The following TMEM132C variants were observed in gnomAD, a reference collection of about 807,000 sequenced individuals.
TMEM132C encodes transmembrane protein 132C.
A neutral mutation model predicts 61.4 loss-of-function variants in TMEM132C; 29 were observed. The observed-to-expected ratio is 0.47, with a 90% confidence interval of 0.35 to 0.64. The LOEUF (loss-of-function observed/expected upper bound fraction) is 0.64, where lower values mean the gene tolerates loss of function less well. Ranked by LOEUF, TMEM132C falls within the 30% of genes least tolerant of loss-of-function variation. The probability of loss-of-function intolerance (pLI) is 0.00; values close to 1 mark genes in which losing one functional copy is unlikely to be tolerated. For missense variants in TMEM132C, 1,408 were observed against 1,476.9 expected, an observed-to-expected ratio of 0.95 and a Z score of 0.76; for synonymous variants, 656 against 633.1, an observed-to-expected ratio of 1.04 and a Z score of -0.54.
At chr12:128,643,004 C>A (rs1453416149) in intron 4 of TMEM132C, among the ~76,000 whole-genome samples, 1 of 152,184 alleles carries the variant, frequency 6.6e-6, no homozygotes, top group Non-Finnish European at 1.5e-5. Flanking sequence ...GCCCGGGTCT[C>A]TTCTTATCAT....
Position 128,469,748 on chromosome 12 carries a change from G to GTA in TMEM132C, c.974+54137_974+54138dup, listed in dbSNP as rs1018875010. On this transcript the variant is annotated intron_variant, in intron 2 of 8. Transcript: ENST00000435159. ...TATATATATATGCATTTATGTGTGT[G>GTA]TATATATATACACACATGCATTTAT... Among the ~76,000 whole-genome samples, 8 of 151,032 alleles carry GTA rather than the reference G, an allele frequency of 5.3e-5. No homozygotes were observed. In the South Asian group the frequency reaches 1.3e-3, roughly 24 times the overall value.
intron 3 of TMEM132C, among the ~76,000 whole-genome samples, chr12:128,561,647 A>T (rs1001093825): frequency 6.6e-6 from 1 of 152,268 alleles, no homozygotes; most frequent in Non-Finnish European, 1.5e-5. Context: ...AAAAGTATTC[A>T]GTTGCAACTA....
chr12:128,379,746 A>G (rs1874341731), intron 1 of TMEM132C, among the ~76,000 whole-genome samples: 1 of 152,094 alleles, frequency 6.6e-6, no homozygotes, highest in Admixed American at 6.6e-5. Context: ...ATCTGTAAAG[A>G]CCCCTTTCCC....
intron 2 of TMEM132C, among the ~76,000 whole-genome samples, chr12:128,489,808 A>G (rs932667861): frequency 1.3e-5 from 2 of 152,230 alleles, no homozygotes; most frequent in Admixed American, 1.3e-4. Flanking sequence ...TATTTGTTTC[A>G]TGAGCGTCCT....
At chr12:128,275,393 C>T (rs973681136) in intron 1 of TMEM132C, among the ~76,000 whole-genome samples, 9 of 152,274 alleles carry the variant, frequency 5.9e-5, no homozygotes, top group Middle Eastern at 3.4e-3. Context: ...GCCTAGGTTG[C>T]ATGCTCCTTA....
chr12:128,535,824 C>T (rs919189397), intron 2 of TMEM132C, among the ~76,000 whole-genome samples: 19 of 151,316 alleles, frequency 1.3e-4, no homozygotes, highest in South Asian at 2.1e-4. Flanking sequence ...ACCGAGATCA[C>T]GCCACTGCAC....
chr12:128,267,983 C>A (rs960441167), intron 1 of TMEM132C, among the ~76,000 whole-genome samples: 1 of 152,226 alleles, frequency 6.6e-6, no homozygotes. Context: ...TTCTTTGCAT[C>A]CCCTTTCCGC....
intron 1 of TMEM132C, among the ~76,000 whole-genome samples, chr12:128,383,336 C>T (rs1009129484): frequency 2.0e-5 from 3 of 152,152 alleles, no homozygotes; most frequent in African/African-American, 7.2e-5. Flanking sequence ...TCGCAATGGC[C>T]AACCGCCCGT....
intron 2 of TMEM132C, among the ~76,000 whole-genome samples, chr12:128,483,391 G>C (rs1442757343): frequency 6.6e-6 from 1 of 151,698 alleles, no homozygotes; most frequent in African/African-American, 2.4e-5. Context: ...TGGAGCCCCT[G>C]GGTAATCATT....
chr12:128,521,307 G>GTA (rs200055238), intron 2 of TMEM132C, among the ~76,000 whole-genome samples: 6 of 147,610 alleles, frequency 4.1e-5, no homozygotes, highest in African/African-American at 7.5e-5. Context: ...GTATATATGT[G>GTA]TATATATATA....
intron 3 of TMEM132C, among the ~76,000 whole-genome samples, chr12:128,611,327 T>C (rs1296639013): frequency 1.3e-5 from 2 of 152,200 alleles, no homozygotes; most frequent in Non-Finnish European, 2.9e-5. Context: ...CTTTTTTCCT[T>C]CCTTCTCTCC....
rs913326498 is a variant in TMEM132C at position 128,326,802 on chromosome 12, T to C, written c.85+59315T>C. On this transcript the variant is annotated intron_variant, in intron 1 of 8. Coordinates refer to ENST00000435159, the MANE Select transcript of TMEM132C (RefSeq NM_001136103.3). The surrounding 1 kb of genome is among the most constrained non-coding windows in gnomAD (Gnocchi z 5.6). The stretch of plus-strand genomic sequence containing the variant: ...TCGTTACCGACTTCACAATATTTTT[T>C]TTTTCTTTCTTAACAACGTAGTAAA... Among the ~76,000 whole-genome samples the C allele has an allele frequency of 1.3e-5, 2 of 150,292 alleles. No homozygotes were observed. The highest frequency in any genetic ancestry group is 5.0e-5 in the African/African-American group (2 of 39,604).
rs551706954 is a variant in TMEM132C at position 128,317,592 on chromosome 12, G to A, written c.85+50105G>A. ...AGGAGCACTTTAGAGGAGAATAAAG[G>A]TTATAAATTAGGCCAGTCACATTGG... On this transcript the variant is annotated intron_variant, in intron 1 of 8. Coordinates refer to ENST00000435159, the MANE Select transcript of TMEM132C (RefSeq NM_001136103.3). Among the ~76,000 whole-genome samples, 19 of 152,308 alleles carry A rather than the reference G, an allele frequency of 1.2e-4. 1 individual carries two copies. The South Asian group carries it at 3.5e-3, about 28-fold the overall frequency.
chr12:128,394,934 T>C (rs2136003733), intron 1 of TMEM132C, among the ~76,000 whole-genome samples: 1 of 147,150 alleles, frequency 6.8e-6, no homozygotes, highest in Non-Finnish European at 1.5e-5. Context: ...CTAGTAAAGC[T>C]AAAACACATG....
At chr12:128,291,451 C>A (rs1318912244) in intron 1 of TMEM132C, among the ~76,000 whole-genome samples, 1 of 152,178 alleles carries the variant, frequency 6.6e-6, no homozygotes, top group African/African-American at 2.4e-5. Flanking sequence ...GCCTGCAGCC[C>A]GCACCAACTG....
At chr12:128,503,060 A>C (rs909801317) in intron 2 of TMEM132C, among the ~76,000 whole-genome samples, 3 of 152,202 alleles carry the variant, frequency 2.0e-5, no homozygotes, top group African/African-American at 7.2e-5. Context: ...CTCATTATTC[A>C]GGTTCTCAGA....
Position 128,326,372 on chromosome 12 carries a change from A to G in TMEM132C, c.85+58885A>G, listed in dbSNP as rs963747507. On this transcript the variant is annotated intron_variant, in intron 1 of 8. Transcript: ENST00000435159. This position sits in a 1 kb window ranked among gnomAD's most constrained non-coding sequence, Gnocchi z 5.6. Reference sequence around the variant, plus strand: ...GCAGGGTTTCACTTTTCGAGCTGCCAGATCTGCTGGAGAAAATTATAAAGA... The same window carrying G: ...GCAGGGTTTCACTTTTCGAGCTGCCGGATCTGCTGGAGAAAATTATAAAGA... Among the ~76,000 whole-genome samples the G allele has an allele frequency of 3.3e-5, 5 of 152,324 alleles. No individual in the cohort carries two copies. The highest frequency in any genetic ancestry group is 3.3e-4 in the Admixed American group (5 of 15,294).
rs1290915766 is a variant in TMEM132C at position 128,706,296 on chromosome 12, G to T, written c.*1G>T. ...GGAGAAACTCAAAGATAAGGCTTAG[G>T]CCCCTCTAGCCAAAGGGCCCTGCCC... On this transcript the variant is annotated 3_prime_UTR_variant, in exon 9 of 9. Coordinates refer to ENST00000435159, the MANE Select transcript of TMEM132C (RefSeq NM_001136103.3). The T allele has an allele frequency of 2.6e-6, 4 of 1,515,482 alleles. No homozygotes were observed. The Admixed American group carries it at 6.4e-5, about 24-fold the overall frequency. The allele number at this position is 1,515,482 out of a possible 1,614,324, so 93.9% of individuals were successfully genotyped here.
chr12:128,307,395 A>G (rs1871819464), intron 1 of TMEM132C, among the ~76,000 whole-genome samples: 1 of 151,804 alleles, frequency 6.6e-6, no homozygotes, highest in Non-Finnish European at 1.5e-5. Context: ...TTGTCTGCAC[A>G]TAAAACTGTA....
Sources: gnomAD v4.1 joint callset for allele counts (sites outside exome capture counted in the v4.1 genomes callset) on GRCh38, gnomAD v4.1.1 for gene constraint, Gnocchi (gnomAD v3.1) non-coding constraint, MANE v1.5 for transcripts, NCBI Gene and HGNC (gene_info 2026-07-23, HGNC 2026-07-21) for gene names.